Variants in EML6 observed in about 807,000 individuals in gnomAD.
EML6 encodes EMAP like 6.
In EML6, 154 loss-of-function variants were observed where a neutral mutation model predicts 240.1. The ratio of observed to expected loss-of-function variants is 0.64; its 90% CI spans 0.56 to 0.73. The LOEUF (loss-of-function observed/expected upper bound fraction) is 0.73, where lower values mean the gene tolerates loss of function less well. Among genes scored for constraint, EML6 ranks in the 30% least tolerant of loss-of-function variants. The pLI, the probability that EML6 is intolerant of heterozygous loss-of-function variation, is 0.00. For missense variants in EML6, 2,964 were observed against 2,474.6 expected (o/e 1.20, Z -4.20); for synonymous variants, 1,148 against 899.0 (o/e 1.28, Z -4.95).
At chr2:54,736,503 G>A in intron 2 of EML6, among the ~76,000 whole-genome samples, 1 of 152,278 alleles carries the variant, frequency 6.6e-6, no homozygotes, top group East Asian at 1.9e-4. Flanking sequence ...TCTCTTCTAA[G>A]TTAAAGTCAT....
intron 2 of EML6, among the ~76,000 whole-genome samples, chr2:54,765,731 A>T (rs930965481): frequency 6.6e-6 from 1 of 152,218 alleles, no homozygotes; most frequent in Non-Finnish European, 1.5e-5. Context: ...AAGTGCTGGG[A>T]TTACAGGCGT....
intron 28 of EML6, among the ~76,000 whole-genome samples, chr2:54,946,688 C>G (rs892267812): frequency 6.6e-6 from 1 of 152,174 alleles, no homozygotes; most frequent in African/African-American, 2.4e-5. Flanking sequence ...AGTATTCACA[C>G]CGCTCTGGAG....
chr2:54,824,481 G>GA (rs2104138544), intron 5 of EML6, among the ~76,000 whole-genome samples: 1 of 151,948 alleles, frequency 6.6e-6, no homozygotes, highest in Non-Finnish European at 1.5e-5. Context: ...TTTTTCCCCA[G>GA]AAAACCTACC....
At chr2:54,860,188 G>A (rs1670601508) in intron 12 of EML6, among the ~76,000 whole-genome samples, 1 of 152,178 alleles carries the variant, frequency 6.6e-6, no homozygotes, top group Non-Finnish European at 1.5e-5. Context: ...ACCTCTCCCT[G>A]TGGAGAGAAT....
At chr2:54,942,628 G>A (rs532428423) in intron 28 of EML6, among the ~76,000 whole-genome samples, 3 of 152,266 alleles carry the variant, frequency 2.0e-5, no homozygotes, top group South Asian at 4.2e-4. Context: ...TGAAGTTCGT[G>A]TCATGCTCTG....
intron 32 of EML6, among the ~76,000 whole-genome samples, chr2:54,955,850 C>T (rs765010916): frequency 6.6e-6 from 1 of 152,216 alleles, no homozygotes; most frequent in East Asian, 1.9e-4. Flanking sequence ...CCGGGTTGAC[C>T]ACGGACATGT....
intron 2 of EML6, among the ~76,000 whole-genome samples, chr2:54,727,782 A>G (rs1682975840): frequency 1.3e-5 from 2 of 152,234 alleles, no homozygotes; most frequent in South Asian, 2.1e-4. Flanking sequence ...ATATATTCAT[A>G]TGCATACATC....
intron 7 of EML6, among the ~76,000 whole-genome samples, chr2:54,831,554 C>G (rs370381064): frequency 6.6e-4 from 100 of 152,248 alleles, no homozygotes; most frequent in African/African-American, 2.3e-3. Flanking sequence ...CCATCCTTAC[C>G]AAGATCAAAG....
At chr2:54,770,296 C>T (rs1668353458) in intron 2 of EML6, among the ~76,000 whole-genome samples, 1 of 152,168 alleles carries the variant, frequency 6.6e-6, no homozygotes, top group Admixed American at 6.5e-5. Context: ...ACTGGGACAA[C>T]AGGTGTAAGC....
At chr2:54,966,918 G>A in intron 38 of EML6, 82 bp from the exon 39 acceptor site, 1 of 856,188 alleles carries the variant, frequency 1.2e-6, no homozygotes, top group Non-Finnish European at 1.9e-6. Context: ...AGGCTGGGCA[G>A]TGTTCTGGGA....
intron 40 of EML6, 45 bp downstream of exon 40, chr2:54,968,326 C>G (rs1252694506): frequency 6.5e-7 from 1 of 1,541,644 alleles, no homozygotes; most frequent in African/African-American, 1.4e-5. Context: ...CTCTGTTTGG[C>G]CGTCTGCAGG....
rs575752681 is a variant in EML6, at chr2:54,950,633, T to C, written c.4084-17T>C. 1.9e-6 allele frequency: 3 copies of C among 1,550,998 alleles called. No individual in the cohort carries two copies. The South Asian group carries it at 3.6e-5, about 18-fold the overall frequency. Reference sequence around the variant, plus strand: ...CCTTCCTCTGAGGGTCACATTGATCTGTGTGTGTGAATGCAGGAGCTGGCT... The same window carrying C: ...CCTTCCTCTGAGGGTCACATTGATCCGTGTGTGTGAATGCAGGAGCTGGCT... On this transcript the variant is annotated splice_polypyrimidine_tract_variant and intron_variant, in intron 29 of 41. Coordinates refer to ENST00000356458, the MANE Select transcript of EML6 (RefSeq NM_001039753.4).
intron 16 of EML6, among the ~76,000 whole-genome samples, chr2:54,877,925 G>T (rs562249305): frequency 6.6e-6 from 1 of 152,298 alleles, no homozygotes; most frequent in Non-Finnish European, 1.5e-5. Context: ...ACCATTTCCA[G>T]TTGGTTGGAG....
rs1487650691 is a variant in EML6 at position 54,970,074 on chromosome 2, A to C, written c.5856A>C (p.Val1952=). 1.3e-6 allele frequency: 2 copies of C among 1,551,476 alleles called. No homozygotes were observed. The highest frequency in any genetic ancestry group is 2.7e-5 in the African/African-American group (2 of 72,996). ...ACTGTTTGATCTGCCTTTTCAGTGTATTTGTGTGGCGATGTCTGTAAAATG... is the reference window on the plus strand; with the variant it reads ...ACTGTTTGATCTGCCTTTTCAGTGTCTTTGTGTGGCGATGTCTGTAAAATG... ...VVSTGGDDCS[V]FVWRCL is the part of the protein sequence containing the mutation. The change falls in exon 42 of 42, where the codon GTA becomes GTC. Residue 1952 remains valine, a synonymous_variant. Transcript: ENST00000356458.
At chr2:54,901,120 G>A (rs1345501803) in intron 22 of EML6, among the ~76,000 whole-genome samples, 2 of 152,198 alleles carry the variant, frequency 1.3e-5, no homozygotes, top group Admixed American at 6.5e-5. Flanking sequence ...TGTAGTCTTT[G>A]TAGGAACCCC....
At chr2:54,955,871 C>G (rs1676208936) in intron 32 of EML6, among the ~76,000 whole-genome samples, 1 of 152,226 alleles carries the variant, frequency 6.6e-6, no homozygotes, top group Non-Finnish European at 1.5e-5. Flanking sequence ...CATTTCTCCT[C>G]CCTTCCTTCT....
At chr2:54,833,953 AT>A (rs2104215053) in intron 7 of EML6, among the ~76,000 whole-genome samples, 1 of 152,358 alleles carries the variant, frequency 6.6e-6, no homozygotes, top group East Asian at 1.9e-4. Context: ...TTATAGAAAT[AT>A]TTAATTTCAA....
intron 11 of EML6, among the ~76,000 whole-genome samples, chr2:54,854,584 T>C (rs1399847183): frequency 8.5e-5 from 13 of 152,220 alleles, no homozygotes. Context: ...AACAGGGACA[T>C]GCTACTGCCT....
rs746209598 is a variant in EML6, at chr2:54,910,946, C to G, written c.3410-8C>G. ...TAATTATCTCTCTACTTCGTTCTGT[C>G]GTAACAGGAAAATTATTGCAAGTGA... is the stretch of plus-strand genomic sequence containing the variant. On this transcript the variant is annotated splice_polypyrimidine_tract_variant and splice_region_variant and intron_variant, in intron 24 of 41. Transcript: ENST00000356458. The G allele has an allele frequency of 8.1e-5, 122 of 1,498,172 alleles. No individual in the cohort carries two copies. In the Admixed American group the frequency reaches 2.2e-3, roughly 27 times the overall value. 92.8% of individuals were successfully genotyped at this position (1,498,172 alleles called of 1,614,324 possible).
Sources: allele counts gnomAD v4.1 joint callset (sites outside exome capture counted in the v4.1 genomes callset), GRCh38; gene constraint gnomAD v4.1.1; transcripts MANE v1.5; gene names NCBI Gene and HGNC (gene_info 2026-07-23, HGNC 2026-07-21).